The following CELF4 variants were observed in gnomAD, a reference collection of about 807,000 sequenced individuals.
The protein encoded by CELF4 is CUG-BP- and ETR-3-like factor 4.
A neutral mutation model predicts 59.9 loss-of-function variants in CELF4; 18 were observed. That is an observed-to-expected ratio of 0.30 (90% CI 0.21 to 0.45). The LOEUF (loss-of-function observed/expected upper bound fraction) is 0.45, where lower values mean the gene tolerates loss of function less well. Among genes scored for constraint, CELF4 ranks in the 20% least tolerant of loss-of-function variants. The pLI is 1.00. For synonymous variants in CELF4, 261 were observed against 267.1 expected (o/e 0.98, Z 0.22); for missense variants, 456 against 689.0 (o/e 0.66, Z 3.79).
rs895014552 is a variant in CELF4 at position 37,516,480 on chromosome 18, C to G, written c.287-30873G>C. Among the ~76,000 whole-genome samples, 3 of 152,346 alleles carry G rather than the reference C, an allele frequency of 2.0e-5. No homozygotes were observed. In the East Asian group the frequency reaches 5.8e-4, roughly 29 times the overall value. ...GGGGAAGACAGAGCCCTCGCCCCGG[C>G]CACAGACTGACCGTTATCTCCATTG... On this transcript the variant is annotated intron_variant, in intron 1 of 12. Transcript: ENST00000420428.
intron 1 of CELF4, chr18:37,528,938 A>G (rs1244014703): frequency 2.0e-5 from 3 of 152,068 alleles, no homozygotes; most frequent in Non-Finnish European, 2.9e-5. Context: ...CATAATTTCA[A>G]GTAGGTAATA....
At chr18:37,492,382 T>C (rs1475817668) in intron 1 of CELF4, among the ~76,000 whole-genome samples, 1 of 152,148 alleles carries the variant, frequency 6.6e-6, no homozygotes, top group African/African-American at 2.4e-5. Flanking sequence ...ACCTGGAAGA[T>C]TTAAAAAACA....
chr18:37,449,892 C>A (rs1034171183), intron 2 of CELF4, among the ~76,000 whole-genome samples: 1 of 152,210 alleles, frequency 6.6e-6, no homozygotes, highest in Non-Finnish European at 1.5e-5. Context: ...CTGGCTACCA[C>A]CCCCTGCCCA....
intron 3 of CELF4, among the ~76,000 whole-genome samples, chr18:37,283,465 G>C (rs1271025743): frequency 6.6e-6 from 1 of 152,092 alleles, no homozygotes; most frequent in Non-Finnish European, 1.5e-5. Flanking sequence ...TCTCCTCCAT[G>C]AATGAGATGT....
chr18:37,366,467 G>T (rs187939630), intron 2 of CELF4, among the ~76,000 whole-genome samples: 63 of 152,264 alleles, frequency 4.1e-4, no homozygotes, highest in Admixed American at 3.2e-3. Flanking sequence ...CTGAGAGGTG[G>T]GTGGCTCATC....
At chr18:37,536,240 C>T (rs1021997312) in intron 1 of CELF4, among the ~76,000 whole-genome samples, 5 of 152,006 alleles carry the variant, frequency 3.3e-5, no homozygotes, top group African/African-American at 1.2e-4. Context: ...GGTGGGGTGG[C>T]AAACAGGCTT....
chr18:37,257,028 G>A (rs943356154), intron 11 of CELF4, among the ~76,000 whole-genome samples: 4 of 152,070 alleles, frequency 2.6e-5, no homozygotes, highest in African/African-American at 9.7e-5. Flanking sequence ...TGGTATGCTC[G>A]ACATCAGAAA....
chr18:37,565,249 G>T lies in CELF4; in HGVS notation c.286+107C>A, dbSNP rs538953944. 10 of 1,317,674 alleles carry T rather than the reference G, an allele frequency of 7.6e-6. No individual in the cohort carries two copies. The Admixed American group carries it at 1.7e-4, about 22-fold the overall frequency. The allele number at this position is 1,317,674 out of a possible 1,614,324, so 81.6% of individuals were successfully genotyped here. On this transcript the variant is annotated intron_variant, in intron 1 of 12. Coordinates refer to ENST00000420428, the MANE Select transcript of CELF4 (RefSeq NM_020180.4). ...GCGCCTCCCTCCACCGCGCCCGCCC[G>T]AGGCTTCCTCTCGCTTAGTCCGCCG...
chr18:37,350,275 G>A (rs1422217836), intron 2 of CELF4, among the ~76,000 whole-genome samples: 1 of 152,184 alleles, frequency 6.6e-6, no homozygotes, highest in Non-Finnish European at 1.5e-5. Flanking sequence ...ACGTGAACAT[G>A]ACTTGACTAT....
chr18:37,318,115 G>C (rs1282490131), intron 3 of CELF4, among the ~76,000 whole-genome samples: 1 of 152,176 alleles, frequency 6.6e-6, no homozygotes, highest in Non-Finnish European at 1.5e-5. Context: ...CTGTGGATGG[G>C]TGTCCTGTGT....
chr18:37,426,604 G>A (rs2099614239), intron 2 of CELF4, among the ~76,000 whole-genome samples: 1 of 152,192 alleles, frequency 6.6e-6, no homozygotes, highest in Non-Finnish European at 1.5e-5. Context: ...GGGCGCAGGC[G>A]GGGCTGATCG....
At chr18:37,452,158 T>C (rs910970511) in intron 2 of CELF4, among the ~76,000 whole-genome samples, 14 of 152,210 alleles carry the variant, frequency 9.2e-5, no homozygotes, top group African/African-American at 3.4e-4. Flanking sequence ...GTCGGCTGAA[T>C]GCACGCCACC....
intron 3 of CELF4, among the ~76,000 whole-genome samples, chr18:37,311,413 A>T (rs957369086): frequency 6.6e-6 from 1 of 152,210 alleles, no homozygotes; most frequent in Non-Finnish European, 1.5e-5. Context: ...CCAGTTGTGT[A>T]AATAGAAGAG....
chr18:37,284,972 G>A (rs1205909284), intron 3 of CELF4, among the ~76,000 whole-genome samples: 2 of 152,188 alleles, frequency 1.3e-5, no homozygotes, highest in African/African-American at 4.8e-5. Flanking sequence ...GGAGGGTACC[G>A]CCTGGAGTTC....
chr18:37,425,674 A>G (rs1298984606), intron 2 of CELF4, among the ~76,000 whole-genome samples: 1 of 152,262 alleles, frequency 6.6e-6, no homozygotes, highest in Non-Finnish European at 1.5e-5. Flanking sequence ...TTCAAGAAAG[A>G]AAAAAGCAGG....
At chr18:37,496,712 C>A (rs1414732338) in intron 1 of CELF4, among the ~76,000 whole-genome samples, 3 of 152,228 alleles carry the variant, frequency 2.0e-5, no homozygotes, top group Non-Finnish European at 4.4e-5. Context: ...CACAGTCCAG[C>A]TGTCGATAGA....
intron 1 of CELF4, among the ~76,000 whole-genome samples, chr18:37,522,269 A>G (rs1028050390): frequency 6.6e-6 from 1 of 152,166 alleles, no homozygotes; most frequent in Non-Finnish European, 1.5e-5. Flanking sequence ...CTTATCATAC[A>G]GAATCTAAGA....
At chr18:37,351,097 G>A (rs1362753493) in intron 2 of CELF4, among the ~76,000 whole-genome samples, 2 of 152,034 alleles carry the variant, frequency 1.3e-5, no homozygotes, top group African/African-American at 2.4e-5. Flanking sequence ...ATTTAAAAAC[G>A]CAAAGGTGCT....
intron 2 of CELF4, among the ~76,000 whole-genome samples, chr18:37,354,868 G>T (rs2098537073): frequency 6.6e-6 from 1 of 152,228 alleles, no homozygotes; most frequent in South Asian, 2.1e-4. Context: ...ATTCTGGTTT[G>T]TGGTGGGAGC....
Sources: gnomAD v4.1 joint callset for allele counts (sites outside exome capture counted in the v4.1 genomes callset) on GRCh38, gnomAD v4.1.1 for gene constraint, MANE v1.5 for transcripts, NCBI Gene and HGNC (gene_info 2026-07-23, HGNC 2026-07-21) for gene names.